Variants in LAMA5 observed in about 807,000 individuals in gnomAD.
The protein encoded by LAMA5 is laminin subunit alpha-5.
A neutral mutation model predicts 433.4 loss-of-function variants in LAMA5; 260 were observed. The ratio of observed to expected loss-of-function variants is 0.60; its 90% CI spans 0.54 to 0.66. The LOEUF is 0.66. Among genes scored for constraint, LAMA5 ranks in the 30% least tolerant of loss-of-function variants. The pLI is 0.00. For missense variants in LAMA5, 5,378 were observed against 5,258.5 expected, an observed-to-expected ratio of 1.02 and a Z score of -0.70; for synonymous variants, 2,620 against 2,226.6, an observed-to-expected ratio of 1.18 and a Z score of -4.97.
chr20:62,353,138 A>T lies in LAMA5; in HGVS notation c.564T>A (p.Phe188Leu). Residue 188 changes from phenylalanine to leucine, a missense_variant, in exon 3 of 80, where the codon TTT becomes TTA. Physicochemically the swap from Phe to Leu is conservative, Grantham distance 22. Transcript: ENST00000252999. ...FGRTYQPWQF[F>L]ASSKRDCLER... ...CCCACGGCGGCAGAGACTCACAGGC[A>T]AAGAACTGCCAGGGCTGGTAGGTGC... 6.4e-7 allele frequency: 1 copy of T among 1,572,738 alleles called. No individual in the cohort carries two copies. Among genetic ancestry groups the T allele is most frequent in the Non-Finnish European group, 8.6e-7 (1 of 1,159,064 alleles).
At chr20:62,317,626 G>A in intron 54 of LAMA5, 36 bp downstream of exon 54, 1 of 1,527,714 alleles carries the variant, frequency 6.5e-7, no homozygotes, top group Non-Finnish European at 8.8e-7. Flanking sequence ...GTTGGCCGTG[G>A]ATGGGGTGGC....
rs747993115 is a variant in LAMA5 at position 62,324,587 on chromosome 20, A to G, written c.5530-33T>C. 4.6e-6 allele frequency: 7 copies of G among 1,514,390 alleles called. No homozygotes were observed. Among genetic ancestry groups the G allele is most frequent in the Non-Finnish European group, 6.4e-6 (7 of 1,098,864 alleles). 93.8% of individuals were successfully genotyped at this position (1,514,390 alleles called of 1,614,324 possible). A position where few individuals can be genotyped will look rare whatever the true frequency, so the allele number is the denominator to read the frequency against. On this transcript the variant is annotated intron_variant, in intron 41 of 79. Coordinates refer to ENST00000252999, the MANE Select transcript of LAMA5 (RefSeq NM_005560.6). This position sits in a 1 kb window ranked among gnomAD's most constrained non-coding sequence, Gnocchi z 4.4. ...TGTACGGGGGCAGGTGGCATCAGCG[A>G]TTGAGAGGACGAGGGGCCCCACCCT... is the stretch of plus-strand genomic sequence containing the variant.
chr20:62,334,156 T>C (rs552959819), intron 22 of LAMA5, 30 bp downstream of exon 22: 1 of 1,604,366 alleles, frequency 6.2e-7, no homozygotes, highest in South Asian at 1.1e-5. Flanking sequence ...ACTTCTAGGC[T>C]GAGCCTGGGA....
intron 55 of LAMA5, 139 bp downstream of exon 55, chr20:62,317,206 C>T (rs905430903): frequency 2.6e-5 from 31 of 1,190,306 alleles, no homozygotes; most frequent in African/African-American, 1.9e-4. Flanking sequence ...CCCAGCTTGC[C>T]GTGGAGCTGA....
intron 31 of LAMA5, 106 bp from the exon 32 acceptor site, chr20:62,330,022 C>G (rs924624066): frequency 1.4e-6 from 2 of 1,449,420 alleles, no homozygotes; most frequent in East Asian, 2.4e-5. Context: ...TGCCCGCTGG[C>G]CAACGGCCAC....
In LAMA5 at chr20:62,330,066, C is replaced by A. The variant is rs141827152; in HGVS notation, c.3980-150G>T. 10 of 1,173,742 alleles carry A rather than the reference C, an allele frequency of 8.5e-6. No individual in the cohort carries two copies. In the African/African-American group the frequency reaches 1.2e-4, roughly 15 times the overall value. 72.7% of individuals were successfully genotyped at this position (1,173,742 alleles called of 1,614,324 possible). ...GACGTGCCCAAGAGGTCTGCAAGGC[C>A]GGCCCCTCATGTCACGGGGGTTGGC... is the stretch of plus-strand genomic sequence containing the variant. On this transcript the variant is annotated intron_variant, in intron 31 of 79. Coordinates refer to ENST00000252999, the MANE Select transcript of LAMA5 (RefSeq NM_005560.6).
chr20:62,354,820 G>T (rs1331083767), intron 2 of LAMA5, among the ~76,000 whole-genome samples: 2 of 152,154 alleles, frequency 1.3e-5, no homozygotes, highest in African/African-American at 4.8e-5. Flanking sequence ...CAAGCCTGGA[G>T]GCTCCAAGGG....
intron 2 of LAMA5, among the ~76,000 whole-genome samples, chr20:62,358,771 CCT>C (rs1985614156): frequency 6.6e-6 from 1 of 152,178 alleles, no homozygotes; most frequent in Non-Finnish European, 1.5e-5. Context: ...CATAACCCCA[CCT>C]CAGTTTCCCC....
At chr20:62,349,215 G>A (rs535654800) in intron 6 of LAMA5, among the ~76,000 whole-genome samples, 21 of 140,332 alleles carry the variant, frequency 1.5e-4, no homozygotes, top group African/African-American at 5.4e-4. Context: ...AGCTTGCAGT[G>A]AGCCGAGATC....
At chr20:62,331,421 C>T (rs116147880) in intron 28 of LAMA5, among the ~76,000 whole-genome samples, 14,338 of 152,046 alleles carry the variant, frequency 0.094, 940 homozygotes, top group South Asian at 0.18. Flanking sequence ...CTTGCTCCTC[C>T]TCCAGCTGCA....
chr20:62,324,846 G>T lies in LAMA5; in HGVS notation c.5530-292C>A, dbSNP rs1200255475. On this transcript the variant is annotated intron_variant, in intron 41 of 79. Coordinates refer to ENST00000252999, the MANE Select transcript of LAMA5 (RefSeq NM_005560.6). This position sits in a 1 kb window ranked among gnomAD's most constrained non-coding sequence, Gnocchi z 4.4. ...TGACCACCCACTCCATGTGGACCAG[G>T]GCCTACTCTTTCCACTCCTTCTAGG... 6.2e-6 allele frequency: 3 copies of T among 487,786 alleles called. No homozygotes were observed. The highest frequency in any genetic ancestry group is 1.1e-5 in the Non-Finnish European group (3 of 266,798). 30.2% of individuals were successfully genotyped at this position (487,786 alleles called of 1,614,324 possible).
chr20:62,353,056 T>C (rs540767209), intron 3 of LAMA5, 78 bp downstream of exon 3: 29 of 1,084,098 alleles, frequency 2.7e-5, no homozygotes, highest in Non-Finnish European at 3.8e-5. Context: ...TCGGAGACCT[T>C]CAGAAGCCTG....
Position 62,359,696 on chromosome 20 carries a change from GA to G in LAMA5, c.450+2703del, listed in dbSNP as rs1276266997. 6.6e-6 allele frequency among the ~76,000 whole-genome samples: 1 copy of G among 151,930 alleles called. No individual in the cohort carries two copies. Among genetic ancestry groups the G allele is most frequent in the East Asian group, 1.9e-4 (1 of 5,166 alleles). On this transcript the variant is annotated intron_variant, in intron 2 of 79. Transcript: ENST00000252999. This position sits in a 1 kb window ranked among gnomAD's most constrained non-coding sequence, Gnocchi z 4.3. ...GCCTCTTCCTGAGGCCCCACCCTTGGAGAGAGAACCCCTCCACGGCTGGGCG... is the reference window on the plus strand; with the variant it reads ...GCCTCTTCCTGAGGCCCCACCCTTGGGAGAGAACCCCTCCACGGCTGGGCG...
Position 62,313,351 on chromosome 20 carries a change from G to A in LAMA5, c.8768C>T (p.Thr2923Met), listed in dbSNP as rs560237038. The change falls in exon 64 of 80, where the codon ACG becomes ATG. Residue 2923 changes from threonine to methionine, a missense_variant. Transcript: ENST00000252999. The part of the protein sequence containing the change: ...YNFERTFQLD[T>M]AVDRPCARSK... ...CCGGGCACAAGGCCTGTCCACAGCC[G>A]TGTCCAGCTGGAAGGTCCTCTCGAA... is the stretch of plus-strand genomic sequence containing the variant. The A allele has an allele frequency of 2.1e-4, 326 of 1,572,824 alleles. 3 individuals carry two copies. In the South Asian group the frequency reaches 3.3e-3, roughly 16 times the overall value.
Position 62,320,876 on chromosome 20 carries a change from C to T in LAMA5, c.6511G>A (p.Val2171Met), listed in dbSNP as rs938301232. Residue 2171 changes from valine to methionine, a missense_variant, in exon 49 of 80, where the codon GTG (valine) becomes ATG (methionine). Coordinates refer to ENST00000252999, the MANE Select transcript of LAMA5 (RefSeq NM_005560.6). The stretch of plus-strand genomic sequence containing the variant: ...TCCAGGTCATCCAGGAGCAGGACCA[C>T]ACAGTGGTCACACACTGCAGGCGAT... Reference protein sequence around the residue: ...SIHCEVCDHCVVLLLDDLERA... With the variant: ...SIHCEVCDHCMVLLLDDLERA... 5.6e-6 allele frequency: 9 copies of T among 1,610,000 alleles called. No homozygotes were observed. Among genetic ancestry groups the T allele is most frequent in the African/African-American group, 4.0e-5 (3 of 74,792 alleles).
In LAMA5 at chr20:62,359,702, G is replaced by C. The variant is rs1196045539; in HGVS notation, c.450+2698C>G. ...TCCTGAGGCCCCACCCTTGGAGAGA[G>C]AACCCCTCCACGGCTGGGCGCAGCG... On this transcript the variant is annotated intron_variant, in intron 2 of 79. Transcript: ENST00000252999. The surrounding 1 kb of genome is among the most constrained non-coding windows in gnomAD (Gnocchi z 4.3). Among the ~76,000 whole-genome samples, 3 of 151,938 alleles carry C rather than the reference G, an allele frequency of 2.0e-5. No individual in the cohort carries two copies. The highest frequency in any genetic ancestry group is 4.4e-5 in the Non-Finnish European group (3 of 67,940).
At chr20:62,365,982 C>A (rs1334643294) in intron 1 of LAMA5, among the ~76,000 whole-genome samples, 2 of 152,198 alleles carry the variant, frequency 1.3e-5, no homozygotes, top group Non-Finnish European at 2.9e-5. Context: ...TCTGCCCCCA[C>A]CCAGCAAATC....
rs199647115 is a variant in LAMA5 at position 62,314,445 on chromosome 20, G to A, written c.8368-5C>T. 5.2e-5 allele frequency: 84 copies of A among 1,613,108 alleles called. No individual in the cohort carries two copies. The highest frequency in any genetic ancestry group is 3.3e-4 in the Middle Eastern group (2 of 6,078). On this transcript the variant is annotated splice_region_variant and splice_polypyrimidine_tract_variant and intron_variant, in intron 61 of 79. Transcript: ENST00000252999. ...ACCCATGTAGTCCCCAGTGGCCTGC[G>A]GCAGTGACAGACACACAGTCGGGAT...
At chr20:62,340,728 A>G (rs1324748420) in intron 11 of LAMA5, among the ~76,000 whole-genome samples, 1 of 152,070 alleles carries the variant, frequency 6.6e-6, no homozygotes, top group Non-Finnish European at 1.5e-5. Context: ...GAAAATCTCA[A>G]ATTCCAAAAA....
Sources: gnomAD v4.1 joint callset for allele counts (sites outside exome capture counted in the v4.1 genomes callset) on GRCh38, gnomAD v4.1.1 for gene constraint, Gnocchi (gnomAD v3.1) non-coding constraint, MANE v1.5 for transcripts, NCBI Gene and HGNC (gene_info 2026-07-23, HGNC 2026-07-21) for gene names.